AGBL1: variants seen among roughly 807,000 people sequenced by gnomAD.
AGBL1 encodes AGBL carboxypeptidase 1.
In AGBL1, 130 loss-of-function variants were observed where a neutral mutation model predicts 118.9. That is an observed-to-expected ratio of 1.09 (90% confidence interval 0.95 to 1.26). The LOEUF (loss-of-function observed/expected upper bound fraction) is 1.26. AGBL1 is among the 50% of genes most tolerant of loss of function. AGBL1 has a pLI of 0.00. For synonymous variants in AGBL1, 555 were observed against 478.9 expected (o/e 1.16, Z -2.08); for missense variants, 1,584 against 1,298.1 (o/e 1.22, Z -3.38).
chr15:86,638,327 A>G (rs894181870), intron 21 of AGBL1, among the ~76,000 whole-genome samples: 7 of 152,186 alleles, frequency 4.6e-5, no homozygotes, highest in African/African-American at 1.7e-4. Context: ...TTCAATGACA[A>G]TGGTGTGGGA....
chr15:86,737,850 T>A (rs2141228821), intron 22 of AGBL1, among the ~76,000 whole-genome samples: 1 of 152,332 alleles, frequency 6.6e-6, no homozygotes, highest in East Asian at 1.9e-4. Context: ...ATGGGCTTCA[T>A]GAAATTAACT....
Position 86,476,697 on chromosome 15 carries a change from C to T in AGBL1, c.2556-46113C>T, listed in dbSNP as rs1215083463. 2.0e-5 allele frequency among the ~76,000 whole-genome samples: 3 copies of T among 152,102 alleles called. No individual in the cohort carries two copies. The East Asian group carries it at 5.8e-4, about 29-fold the overall frequency. ...TGAGACAGAAAGTTAACAAGGATAT[C>T]CAGGAATTGAACTCAGCTCTGCACC... On this transcript the variant is annotated intron_variant, in intron 18 of 22. Coordinates refer to ENST00000614907, the MANE Select transcript of AGBL1 (RefSeq NM_001386094.1).
chr15:86,155,512 A>G (rs2077176747), intron 4 of AGBL1, among the ~76,000 whole-genome samples: 1 of 152,192 alleles, frequency 6.6e-6, no homozygotes, highest in African/African-American at 2.4e-5. Context: ...AGGAGGGTGG[A>G]ATTTCTAACT....
intron 22 of AGBL1, among the ~76,000 whole-genome samples, chr15:86,818,605 T>A (rs892218118): frequency 6.6e-6 from 1 of 152,008 alleles, no homozygotes; most frequent in African/African-American, 2.4e-5. Context: ...AGAACTAATA[T>A]GGGAGCATAT....
chr15:86,360,278 G>GT (rs1452006465), intron 17 of AGBL1, among the ~76,000 whole-genome samples: 10 of 146,852 alleles, frequency 6.8e-5, no homozygotes, highest in Admixed American at 6.8e-4. Context: ...TTTGTCAAAT[G>GT]TTTTTTGGCA....
At chr15:86,857,602 G>C (rs983630465) in intron 22 of AGBL1, among the ~76,000 whole-genome samples, 2 of 152,080 alleles carry the variant, frequency 1.3e-5, no homozygotes, top group Non-Finnish European at 2.9e-5. Flanking sequence ...GGCCTTCCCC[G>C]ACCCTTCTGA....
At chr15:86,171,900 T>C (rs1404753418) in intron 5 of AGBL1, among the ~76,000 whole-genome samples, 1 of 152,160 alleles carries the variant, frequency 6.6e-6, no homozygotes, top group Non-Finnish European at 1.5e-5. Context: ...ACAACCTAGA[T>C]GAAATTGGTG....
At chr15:86,348,246 A>G (rs1595998536) in intron 17 of AGBL1, among the ~76,000 whole-genome samples, 1 of 152,256 alleles carries the variant, frequency 6.6e-6, no homozygotes, top group Non-Finnish European at 1.5e-5. Flanking sequence ...CAGAAGAAAT[A>G]AATAGCAACA....
intron 22 of AGBL1, among the ~76,000 whole-genome samples, chr15:86,784,792 G>A (rs757333615): frequency 1.8e-4 from 28 of 152,108 alleles, no homozygotes; most frequent in Non-Finnish European, 3.7e-4. Context: ...GCTATAGCCC[G>A]AGTTCCTACA....
rs2080412397 is a variant in AGBL1, at chr15:86,915,679, T to C, written c.*8385T>C. 1 of 152,184 alleles carries C rather than the reference T, an allele frequency of 6.6e-6. No individual in the cohort carries two copies. The highest frequency in any genetic ancestry group is 2.1e-4 in the South Asian group (1 of 4,826). 9.4% of individuals were successfully genotyped at this position (152,184 alleles called of 1,614,324 possible). ...CCACTGCACCAAGACTGTAATATCT[T>C]GGAGAACAAAGACAATTTTGTTCAC... On this transcript the variant is annotated 3_prime_UTR_variant, in exon 23 of 23. Coordinates refer to ENST00000614907, the MANE Select transcript of AGBL1 (RefSeq NM_001386094.1).
chr15:86,324,378 G>A (rs117964039), intron 17 of AGBL1, among the ~76,000 whole-genome samples: 1,765 of 152,298 alleles, frequency 0.012, 13 homozygotes, highest in South Asian at 0.024. Flanking sequence ...GTAGGGGTAG[G>A]TGTTTCCCAT....
At chr15:86,471,498 GTT>G (rs375141045) in intron 18 of AGBL1, among the ~76,000 whole-genome samples, 26,278 of 142,242 alleles carry the variant, frequency 0.18, 3,743 homozygotes, top group African/African-American at 0.42. Flanking sequence ...TTGGCCTATA[GTT>G]TTTTTTTTTT....
chr15:86,912,245 G>A lies in AGBL1; in HGVS notation c.*4951G>A, dbSNP rs2080362087. ...TGGTTGCCATGGAAGAGTTCCCAGT[G>A]CGAGGCGAGCTTAACAAGGGGCAGG... On this transcript the variant is annotated 3_prime_UTR_variant, in exon 23 of 23. Transcript: ENST00000614907. 6.6e-6 allele frequency: 1 copy of A among 152,170 alleles called. No homozygotes were observed. The highest frequency in any genetic ancestry group is 6.5e-5 in the Admixed American group (1 of 15,270). The allele number at this position is 152,170 out of a possible 1,614,324, so 9.4% of individuals were successfully genotyped here. A position where few individuals can be genotyped will look rare whatever the true frequency, so the allele number is the denominator to read the frequency against.
intron 21 of AGBL1, among the ~76,000 whole-genome samples, chr15:86,667,895 A>C (rs1341079630): frequency 1.3e-5 from 2 of 152,180 alleles, no homozygotes; most frequent in African/African-American, 4.8e-5. Context: ...TATAAAGAAA[A>C]GAGGTTTATT....
intron 21 of AGBL1, among the ~76,000 whole-genome samples, chr15:86,567,715 T>C (rs1201674037): frequency 2.0e-5 from 3 of 152,194 alleles, no homozygotes; most frequent in Non-Finnish European, 2.9e-5. Context: ...TGAGGAGAGA[T>C]TGAGGACCAC....
Position 86,694,976 on chromosome 15 carries a change from T to C in AGBL1, c.3158+20540T>C, listed in dbSNP as rs544710828. Among the ~76,000 whole-genome samples, 3 of 152,264 alleles carry C rather than the reference T, an allele frequency of 2.0e-5. No individual in the cohort carries two copies. In the South Asian group the frequency reaches 6.2e-4, roughly 32 times the overall value. ...ATCATGGTGGATTATCTTTTTAATA[T>C]GCTGTTGGATTCGGTTAGCTAGTAT... On this transcript the variant is annotated intron_variant, in intron 22 of 22. Transcript: ENST00000614907.
At chr15:86,811,707 T>A (rs1008302849) in intron 22 of AGBL1, among the ~76,000 whole-genome samples, 29 of 152,114 alleles carry the variant, frequency 1.9e-4, no homozygotes, top group African/African-American at 6.5e-4. Context: ...TCCCAAGATG[T>A]TTGAAATACC....
chr15:86,808,945 C>T (rs887797899), intron 22 of AGBL1, among the ~76,000 whole-genome samples: 2 of 151,974 alleles, frequency 1.3e-5, no homozygotes, highest in African/African-American at 2.4e-5. Context: ...TGTTAGCACT[C>T]CTGATAGATA....
intron 21 of AGBL1, 137 bp from the exon 22 acceptor site, chr15:86,674,136 A>G (rs1426272768): frequency 2.7e-5 from 23 of 852,406 alleles, no homozygotes; most frequent in Middle Eastern, 2.8e-4. Flanking sequence ...AATGTAATGG[A>G]CAGTGACTGA....
Sources: gnomAD v4.1 joint callset for allele counts (sites outside exome capture counted in the v4.1 genomes callset) on GRCh38, gnomAD v4.1.1 for gene constraint, MANE v1.5 for transcripts, NCBI Gene and HGNC (gene_info 2026-07-23, HGNC 2026-07-21) for gene names.